The following CLDN2 variants were observed in gnomAD, a reference collection of about 807,000 sequenced individuals.
CLDN2 encodes the protein claudin 2.
CLDN2 carries 1 observed loss-of-function variant against 8.2 expected under a neutral mutation model. The ratio of observed to expected loss-of-function variants is 0.12; its 90% CI spans 0.04 to 0.58. The LOEUF is 0.58. CLDN2 is among the 20% of genes least tolerant of loss of function. CLDN2 has a pLI of 0.90. For synonymous variants in CLDN2, 70 were observed against 70.2 expected, an observed-to-expected ratio of 1.00 and a Z score of 0.01; for missense variants, 108 against 172.9, an observed-to-expected ratio of 0.62 and a Z score of 2.11.
At chrX:106,901,444 C>G in intron 1 of CLDN2, 1 of 1,192,166 alleles carries the variant, frequency 8.4e-7, no homozygotes, top group Non-Finnish European at 1.1e-6. Context: ...GGATCTATGT[C>G]AAGTTTGGAG....
upstream of CLDN2, among the ~76,000 whole-genome samples, chrX:106,917,980 A>T (rs1933335676): frequency 9.0e-6 from 1 of 111,351 alleles, no homozygotes; most frequent in African/African-American, 3.3e-5. Flanking sequence ...GACAATGCCG[A>T]CCTGAAGGAA....
rs760706557 is a variant in CLDN2, at chrX:106,903,082, A to G, written c.-179+2578A>G. 137 of 1,189,540 alleles carry G rather than the reference A, an allele frequency of 1.2e-4. 1 individual carries two copies. The Middle Eastern group carries it at 6.4e-3, about 56-fold the overall frequency. ...GACATCTCATTTTCCTTCCTCTCTC[A>G]GGAAGCTCTCAAGCCTAAGTTCAGG... On this transcript the variant is annotated intron_variant, in intron 1 of 1. Coordinates refer to the CLDN2 transcript ENST00000541806.
At chrX:106,927,941 T>A in intron 1 of CLDN2, 110 bp from the exon 2 acceptor site, 2 of 219,349 alleles carry the variant, frequency 9.1e-6, no homozygotes, top group Non-Finnish European at 7.9e-6. Flanking sequence ...TTTTTTTTCC[T>A]TTCTCATGTG....
At chrX:106,902,740 G>A (rs1156892906) in intron 1 of CLDN2, among the ~76,000 whole-genome samples, 5 of 112,102 alleles carry the variant, frequency 4.5e-5, no homozygotes, top group Non-Finnish European at 9.4e-5. Flanking sequence ...GGCGTGGTCA[G>A]GAAAAAGACA....
At position 106,928,257 on chromosome X, in the gene CLDN2, G is replaced by C. The variant is rs776970197; in HGVS notation, c.29G>C (p.Gly10Ala). The C allele has an allele frequency of 2.1e-5, 25 of 1,209,829 alleles. No homozygotes were observed. The highest frequency in any genetic ancestry group is 2.7e-5 in the Non-Finnish European group (24 of 894,918). The change falls in exon 2 of 2, where the codon GGC (glycine) becomes GCC (alanine). Residue 10 changes from glycine to alanine, a missense_variant. Gly to Ala is a moderately conservative substitution (Grantham distance 60, BLOSUM62 0). Around this residue, in one of 2 missense-constraint regions of CLDN2, gnomAD observed 27 missense variants for 72.2 expected, o/e 0.37. Transcript: ENST00000336803. MASLGLQLV[G>A]YILGLLGLLG... is the part of the protein sequence containing the mutation. The stretch of plus-strand genomic sequence containing the variant: ...GCCTCTCTTGGCCTCCAACTTGTGG[G>C]CTACATCCTAGGCCTTCTGGGGCTT...
At chrX:106,908,963 G>C (rs1183463161) in intron 1 of CLDN2, among the ~76,000 whole-genome samples, 7 of 111,512 alleles carry the variant, frequency 6.3e-5, no homozygotes, top group Non-Finnish European at 1.1e-4. Flanking sequence ...ATTGTCCTTT[G>C]CTCTCAAAAT....
At chrX:106,915,077 C>T (rs1318582925), upstream of CLDN2, among the ~76,000 whole-genome samples, 1 of 112,143 alleles carries the variant, frequency 8.9e-6, no homozygotes, top group Admixed American at 9.4e-5. Flanking sequence ...TAAGTAGTGT[C>T]ATTTCAAGAA....
In CLDN2 at chrX:106,928,658, C is replaced by T; in HGVS notation, c.430C>T (p.Leu144=). ...IPVAWNLHGI[L]RDFYSPLVPD... ...TGTTGCCTGGAATCTTCATGGGATC[C>T]TACGGGACTTCTACTCACCACTGGT... Residue 144 remains leucine, a synonymous_variant, in exon 2 of 2, where the codon CTA becomes TTA. Coordinates refer to ENST00000336803, the MANE Select transcript of CLDN2 (RefSeq NM_020384.4). 1 of 1,211,837 alleles carries T rather than the reference C, an allele frequency of 8.3e-7. No individual in the cohort carries two copies.
intron 1 of CLDN2, among the ~76,000 whole-genome samples, chrX:106,906,470 T>C (rs1226351514): frequency 9.0e-6 from 1 of 111,278 alleles, no homozygotes; most frequent in Admixed American, 9.5e-5. Flanking sequence ...GCCTCCACAT[T>C]TCGCTTGGCC....
At chrX:106,918,011 C>T (rs1221950084), upstream of CLDN2, among the ~76,000 whole-genome samples, 1 of 111,614 alleles carries the variant, frequency 9.0e-6, no homozygotes, top group East Asian at 2.8e-4. Context: ...AGAACCCAGT[C>T]CTTGAATGAT....
rs185724903 is a variant in CLDN2, at chrX:106,923,568, A to G, written c.-179+3017A>G. ...ACATTATAATTAATTATATGTCAAC[A>G]AGAGGTGAAAAAGCAAGGATGACTG... On this transcript the variant is annotated intron_variant, in intron 1 of 1. Coordinates refer to ENST00000336803, the MANE Select transcript of CLDN2 (RefSeq NM_020384.4). Among the ~76,000 whole-genome samples the G allele has an allele frequency of 2.8e-3, 316 of 111,881 alleles. 2 individuals carry two copies. Among genetic ancestry groups the G allele is most frequent in the African/African-American group, 9.6e-3 (296 of 30,780 alleles).
intron 1 of CLDN2, among the ~76,000 whole-genome samples, chrX:106,908,592 T>G (rs1271844747): frequency 9.3e-6 from 1 of 107,090 alleles, no homozygotes; most frequent in African/African-American, 3.4e-5. Flanking sequence ...TGTTGTTGTT[T>G]TTTTTGTTTC....
intron 1 of CLDN2, chrX:106,900,785 C>T (rs1167109966): frequency 1.7e-6 from 2 of 1,211,154 alleles, no homozygotes; most frequent in Non-Finnish European, 2.2e-6. Context: ...CTTCATCTTC[C>T]TCTTCTTCTT....
rs1422270796 is a variant in CLDN2 at position 106,930,268 on chromosome X, C to A, written c.*1347C>A. 1 of 122,662 alleles carries A rather than the reference C, an allele frequency of 8.2e-6. No individual in the cohort carries two copies. Among genetic ancestry groups the A allele is most frequent in the African/African-American group, 3.3e-5 (1 of 30,642 alleles). The allele number at this position is 122,662 out of a possible 1,213,427, so 10.1% of individuals were successfully genotyped here. A position where few individuals can be genotyped will look rare whatever the true frequency, so the allele number is the denominator to read the frequency against. ...GATCTGAGTGATAGCTGCACTGCTG[C>A]CTGGGATTGCAGCTGAGGTGGGAGT... On this transcript the variant is annotated 3_prime_UTR_variant, in exon 2 of 2. Coordinates refer to ENST00000336803, the MANE Select transcript of CLDN2 (RefSeq NM_020384.4).
At chrX:106,904,162 G>A (rs770032531) in intron 1 of CLDN2, among the ~76,000 whole-genome samples, 6 of 112,385 alleles carry the variant, frequency 5.3e-5, no homozygotes, top group Admixed American at 1.9e-4. Flanking sequence ...TAAGAGATGA[G>A]GGTGCTGGCC....
intron 1 of CLDN2, among the ~76,000 whole-genome samples, chrX:106,911,369 G>A (rs1441418989): frequency 1.8e-5 from 2 of 111,726 alleles, no homozygotes; most frequent in East Asian, 5.7e-4. Flanking sequence ...ATGGGAATAA[G>A]AGGCATTTAC....
At chrX:106,923,517 C>CT (rs1386205256) in intron 1 of CLDN2, among the ~76,000 whole-genome samples, 2 of 111,736 alleles carry the variant, frequency 1.8e-5, no homozygotes, top group African/African-American at 6.5e-5. Flanking sequence ...GATTCACAGT[C>CT]TATTTTTGAA....
intron 1 of CLDN2, among the ~76,000 whole-genome samples, chrX:106,910,101 C>G (rs1044465201): frequency 1.8e-5 from 2 of 110,763 alleles, no homozygotes; most frequent in African/African-American, 6.6e-5. Flanking sequence ...CCCCCTTTCC[C>G]AGCCTGGCCT....
intron 1 of CLDN2, chrX:106,901,038 A>G: frequency 9.6e-7 from 1 of 1,042,829 alleles, no homozygotes; most frequent in South Asian, 2.7e-5. Context: ...GGAAAGGAAG[A>G]AAGAAAGTTT....
Sources: gnomAD v4.1 joint callset for allele counts (sites outside exome capture counted in the v4.1 genomes callset) on GRCh38, gnomAD v4.1.1 for gene constraint, gnomAD v4.1.1 regional missense constraint, MANE v1.5 for transcripts, NCBI Gene and HGNC (gene_info 2026-07-23, HGNC 2026-07-21) for gene names.